Variants in CIT observed in about 807,000 individuals in gnomAD.
CIT encodes the protein citron rho-interacting serine/threonine kinase, also known as citron Rho-interacting kinase.
In CIT, 79 loss-of-function variants were observed where a neutral mutation model predicts 272.7. That is an observed-to-expected ratio of 0.29 (90% CI 0.24 to 0.35). CIT has a LOEUF of 0.35. Ranked by LOEUF, CIT falls within the 10% of genes least tolerant of loss-of-function variation. CIT has a pLI of 1.00. For synonymous variants in CIT, 948 were observed against 995.6 expected, an observed-to-expected ratio of 0.95 and a Z score of 0.90; for missense variants, 1,909 against 2,618.3, an observed-to-expected ratio of 0.73 and a Z score of 5.91.
chr12:119,777,615 A>T lies in CIT; in HGVS notation c.1666-773T>A, dbSNP rs374798839. On this transcript the variant is annotated intron_variant, in intron 13 of 47. Coordinates refer to ENST00000392521, the MANE Select transcript of CIT (RefSeq NM_001206999.2). ...GACCCGGGAGGCGGAGGTTGCAGTG[A>T]GCCGAGATCGCGCCACTGCACTCCA... is the stretch of plus-strand genomic sequence containing the variant. 2.2e-4 allele frequency among the ~76,000 whole-genome samples: 33 copies of T among 151,716 alleles called. No individual in the cohort carries two copies. The South Asian group carries it at 6.9e-3, about 32-fold the overall frequency.
chr12:119,730,627 C>A lies in CIT; in HGVS notation c.3354G>T (p.Ala1118=), dbSNP rs1393440175. 9 of 1,613,336 alleles carry A rather than the reference C, an allele frequency of 5.6e-6. No homozygotes were observed. The highest frequency in any genetic ancestry group is 2.2e-5 in the East Asian group (1 of 44,860). The change falls in exon 27 of 48, where the codon GCG becomes GCT. Residue 1118 remains alanine, a synonymous_variant. Transcript: ENST00000392521. ...RMLDTEKQSR[A]RADQRITESR... Reference sequence around the variant, plus strand: ...ACTCGGTGATCCGCTGATCGGCTCTCGCCCTGCCAGAAAGACACAGGTCAG... The same window carrying A: ...ACTCGGTGATCCGCTGATCGGCTCTAGCCCTGCCAGAAAGACACAGGTCAG...
chr12:119,700,284 C>T (rs569745258), intron 44 of CIT, among the ~76,000 whole-genome samples: 25 of 152,348 alleles, frequency 1.6e-4, no homozygotes. Flanking sequence ...ATGAACAGTT[C>T]TCCGGGTGAC....
At chr12:119,711,782 TG>T (rs1186429134) in intron 37 of CIT, among the ~76,000 whole-genome samples, 1 of 152,216 alleles carries the variant, frequency 6.6e-6, no homozygotes, top group Middle Eastern at 3.2e-3. Flanking sequence ...CCCTACTAGC[TG>T]GAACTACAGG....
At chr12:119,797,138 C>T (rs1435663599) in intron 10 of CIT, among the ~76,000 whole-genome samples, 8 of 152,174 alleles carry the variant, frequency 5.3e-5, no homozygotes, top group African/African-American at 1.7e-4. Context: ...GAACATGTAG[C>T]GCCATTTAGT....
chr12:119,753,790 A>G (rs1960581939), intron 22 of CIT, among the ~76,000 whole-genome samples: 2 of 152,118 alleles, frequency 1.3e-5, no homozygotes, highest in South Asian at 4.1e-4. Context: ...TGGACGGGTG[A>G]ATTACACAAA....
At chr12:119,700,547 T>G (rs1372160711) in intron 44 of CIT, 198 bp downstream of exon 44, 1 of 511,512 alleles carries the variant, frequency 2.0e-6, no homozygotes, top group Admixed American at 3.1e-5. Context: ...CATGCCTGGC[T>G]AATTTTTGTA....
intron 5 of CIT, among the ~76,000 whole-genome samples, chr12:119,848,942 C>T (rs1387863580): frequency 1.3e-5 from 2 of 151,934 alleles, no homozygotes; most frequent in Non-Finnish European, 2.9e-5. Context: ...CCCAGGAAGT[C>T]GAGGCTGCAG....
chr12:119,732,483 G>T (rs1337975292), intron 26 of CIT, among the ~76,000 whole-genome samples: 1 of 152,128 alleles, frequency 6.6e-6, no homozygotes, highest in African/African-American at 2.4e-5. Flanking sequence ...GAGGATGGGG[G>T]AGTCTAAGGA....
At chr12:119,828,766 C>T (rs1426130414) in intron 7 of CIT, among the ~76,000 whole-genome samples, 1 of 152,006 alleles carries the variant, frequency 6.6e-6, no homozygotes, top group Non-Finnish European at 1.5e-5. Flanking sequence ...CAGGGTTTCA[C>T]CATGTTGGCC....
intron 2 of CIT, among the ~76,000 whole-genome samples, chr12:119,875,416 T>C (rs1950812984): frequency 6.6e-6 from 1 of 152,142 alleles, no homozygotes; most frequent in Non-Finnish European, 1.5e-5. Context: ...TTCTGCACAG[T>C]GTCTTTTTTC....
chr12:119,821,454 G>A (rs1735252823), intron 9 of CIT, among the ~76,000 whole-genome samples: 1 of 152,158 alleles, frequency 6.6e-6, no homozygotes, highest in South Asian at 2.1e-4. Context: ...ATGGGTTTCA[G>A]TACTATCATC....
At chr12:119,805,710 C>A (rs1251628176) in intron 9 of CIT, among the ~76,000 whole-genome samples, 1 of 152,162 alleles carries the variant, frequency 6.6e-6, no homozygotes, top group Non-Finnish European at 1.5e-5. Flanking sequence ...AAGCCACCCT[C>A]AGTGAAATAA....
At position 119,687,794 on chromosome 12, in the gene CIT, TAAAA is replaced by T. The variant is rs10574499; in HGVS notation, c.*434_*437del. 7.8e-4 allele frequency: 90 copies of T among 115,812 alleles called. No homozygotes were observed. The highest frequency in any genetic ancestry group is 1.2e-3 in the Non-Finnish European group (72 of 57,614). 7.2% of individuals were successfully genotyped at this position (115,812 alleles called of 1,614,324 possible). On this transcript the variant is annotated 3_prime_UTR_variant, in exon 48 of 48. Coordinates refer to ENST00000392521, the MANE Select transcript of CIT (RefSeq NM_001206999.2). The stretch of plus-strand genomic sequence containing the variant: ...AAATCTATTAAGAATTCTGTTGTCT[TAAAA>T]AAAAAAAAAAAAAAAGGAAAGAAAC...
intron 9 of CIT, among the ~76,000 whole-genome samples, chr12:119,805,414 ATCAC>A (rs1593815236): frequency 6.6e-6 from 1 of 152,234 alleles, no homozygotes; most frequent in Non-Finnish European, 1.5e-5. Context: ...GCATACAGTA[ATCAC>A]TCCACAAATA....
At chr12:119,868,410 G>A (rs955582787) in intron 3 of CIT, among the ~76,000 whole-genome samples, 1 of 152,064 alleles carries the variant, frequency 6.6e-6, no homozygotes, top group South Asian at 2.1e-4. Context: ...TGCCTACTCT[G>A]CCTAATAGAA....
intron 40 of CIT, 101 bp downstream of exon 40, chr12:119,708,073 TTTAAG>T (rs1350455464): frequency 4.0e-6 from 5 of 1,252,836 alleles, no homozygotes; most frequent in Non-Finnish European, 5.3e-6. Flanking sequence ...CTGTTTGTTA[TTTAAG>T]TTGACACTAT....
At position 119,877,263 on chromosome 12, in the gene CIT, C is replaced by A. The variant is rs1040940965; in HGVS notation, c.-28G>T. ...ATCAGACTCACGCTCTGCGAACCCC[C>A]AGGTCTGCGATCTGTTCCGCCCCGC... On this transcript the variant is annotated 5_prime_UTR_variant, in exon 1 of 48. Coordinates refer to ENST00000392521, the MANE Select transcript of CIT (RefSeq NM_001206999.2). The A allele has an allele frequency of 6.6e-6, 1 of 152,290 alleles. No homozygotes were observed. The highest frequency in any genetic ancestry group is 1.5e-5 in the Non-Finnish European group (1 of 68,110). The allele number at this position is 152,290 out of a possible 1,614,324, so 9.4% of individuals were successfully genotyped here. A position where few individuals can be genotyped will look rare whatever the true frequency, so the allele number is the denominator to read the frequency against.
chr12:119,850,182 G>A lies in CIT; in HGVS notation c.508C>T (p.Leu170Phe), dbSNP rs749693459. Residue 170 changes from leucine to phenylalanine, a missense_variant, in exon 5 of 48, where the codon CTT (leucine) becomes TTT (phenylalanine). Physicochemically the swap from Leu to Phe is conservative, Grantham distance 22. Transcript: ENST00000392521. ...CAGATGTAAAGACTCACCAGATAAA[G>A]GTGATTTTTGTCCTGAAAGGCATAC... ...LQYAFQDKNH[L>F]YLVMEYQPGG... 1 of 1,596,696 alleles carries A rather than the reference G, an allele frequency of 6.3e-7. No individual in the cohort carries two copies. The highest frequency in any genetic ancestry group is 1.7e-5 in the Admixed American group (1 of 59,960).
At chr12:119,823,385 C>A (rs1167169112) in intron 8 of CIT, among the ~76,000 whole-genome samples, 1 of 152,208 alleles carries the variant, frequency 6.6e-6, no homozygotes, top group East Asian at 1.9e-4. Context: ...CTTTTGCACA[C>A]ACACAATGCG....
Sources: gnomAD v4.1 joint callset for allele counts (sites outside exome capture counted in the v4.1 genomes callset) on GRCh38, gnomAD v4.1.1 for gene constraint, MANE v1.5 for transcripts, NCBI Gene and HGNC (gene_info 2026-07-23, HGNC 2026-07-21) for gene names.